Variants in PRSS23 observed in about 807,000 individuals in gnomAD.
The protein encoded by PRSS23 is protease, serine 23.
Under a neutral mutation model 34.7 loss-of-function variants are expected in PRSS23, and 25 were observed. That is an observed-to-expected ratio of 0.72 (90% CI 0.53 to 1.01). The LOEUF (loss-of-function observed/expected upper bound fraction) is 1.01, where lower values mean the gene tolerates loss of function less well. Among genes scored for constraint, PRSS23 ranks in the 50% least tolerant of loss-of-function variants. The pLI, the probability that PRSS23 is intolerant of heterozygous loss-of-function variation, is 0.00. For synonymous variants in PRSS23, 176 were observed against 186.6 expected, an observed-to-expected ratio of 0.94 and a Z score of 0.46; for missense variants, 445 against 475.6, an observed-to-expected ratio of 0.94 and a Z score of 0.60.
intron 2 of PRSS23, among the ~76,000 whole-genome samples, chr11:86,882,582 A>G (rs1948778682): frequency 1.3e-5 from 2 of 151,962 alleles, no homozygotes; most frequent in Admixed American, 6.6e-5. Context: ...TAAATGTACC[A>G]TATTTTATCT....
At chr11:86,839,563 C>A (rs1030813713) in intron 2 of PRSS23, among the ~76,000 whole-genome samples, 1 of 152,068 alleles carries the variant, frequency 6.6e-6, no homozygotes, top group Non-Finnish European at 1.5e-5. Flanking sequence ...CCTAACGTAG[C>A]AAGGCAGGCC....
chr11:86,948,566 G>A (rs182891556), intron 2 of PRSS23: 7 of 152,140 alleles, frequency 4.6e-5, no homozygotes, highest in Non-Finnish European at 7.4e-5. Flanking sequence ...TAATCCAAAT[G>A]GCCACTTCTG....
At chr11:86,923,702 CT>C (rs1243370934) in intron 2 of PRSS23, among the ~76,000 whole-genome samples, 1 of 152,172 alleles carries the variant, frequency 6.6e-6, no homozygotes, top group Non-Finnish European at 1.5e-5. Context: ...TTTGTACACA[CT>C]GTTATTTAGT....
chr11:86,838,158 G>T (rs1009013995), intron 2 of PRSS23, among the ~76,000 whole-genome samples: 2 of 151,136 alleles, frequency 1.3e-5, no homozygotes, highest in Non-Finnish European at 2.9e-5. Flanking sequence ...TATAAAATTT[G>T]ATCTGCATTG....
At chr11:86,834,790 A>G (rs955121238) in intron 2 of PRSS23, among the ~76,000 whole-genome samples, 3 of 152,096 alleles carry the variant, frequency 2.0e-5, no homozygotes, top group Non-Finnish European at 4.4e-5. Context: ...GTCTGTATAT[A>G]TATTTACCCT....
intron 2 of PRSS23, chr11:86,910,148 GT>G (rs1206910805): frequency 6.6e-6 from 1 of 152,182 alleles, no homozygotes. Context: ...AAATGAAACA[GT>G]AATTAATATT....
At chr11:86,921,603 C>G (rs1949047630) in intron 2 of PRSS23, 1 of 152,198 alleles carries the variant, frequency 6.6e-6, no homozygotes, top group African/African-American at 2.4e-5. Flanking sequence ...TGTTTCTCCT[C>G]CTCCATCATC....
At chr11:86,885,112 C>T (rs538982757) in intron 2 of PRSS23, among the ~76,000 whole-genome samples, 1 of 152,132 alleles carries the variant, frequency 6.6e-6, no homozygotes, top group South Asian at 2.1e-4. Flanking sequence ...AAAGTTTGGC[C>T]TAAAATAAGT....
Position 86,808,217 on chromosome 11 carries a change from G to A in PRSS23, c.574G>A (p.Val192Met). 6.2e-7 allele frequency: 1 copy of A among 1,614,158 alleles called. No homozygotes were observed. Among genetic ancestry groups the A allele is most frequent in the Non-Finnish European group, 8.5e-7 (1 of 1,180,042 alleles). The part of the protein sequence containing the change: ...TYVKGTQKLR[V>M]GFLKPKFKDG... ...TGTGAAAGGAACCCAGAAGCTTCGA[G>A]TGGGCTTCCTAAAGCCCAAGTTTAA... Residue 192 changes from valine to methionine, a missense_variant, in exon 2 of 2, where the codon GTG becomes ATG. By Grantham distance (21) the Val-to-Met change is conservative. Transcript: ENST00000280258.
At chr11:86,859,613 A>C (rs1240228924) in intron 2 of PRSS23, among the ~76,000 whole-genome samples, 1 of 151,988 alleles carries the variant, frequency 6.6e-6, no homozygotes, top group Non-Finnish European at 1.5e-5. Flanking sequence ...TCCCAGTATC[A>C]CAGTGGGTAT....
At chr11:86,895,269 T>A (rs1382834463) in intron 2 of PRSS23, among the ~76,000 whole-genome samples, 1 of 152,196 alleles carries the variant, frequency 6.6e-6, no homozygotes, top group Non-Finnish European at 1.5e-5. Flanking sequence ...CACTGACATA[T>A]GTGAACTTCT....
chr11:86,800,788 G>A (rs556627141), intron 1 of PRSS23, 137 bp downstream of exon 1: 45 of 350,746 alleles, frequency 1.3e-4, no homozygotes, highest in African/African-American at 6.4e-4. Context: ...CTTCGCCAGG[G>A]CAGTCCTCGG....
chr11:86,812,024 C>T (rs1948182233), downstream of PRSS23, among the ~76,000 whole-genome samples: 1 of 152,130 alleles, frequency 6.6e-6, no homozygotes, highest in Non-Finnish European at 1.5e-5. Context: ...TTGAAGTTGC[C>T]TCTGACCATT....
chr11:86,811,950 G>A (rs11608167), downstream of PRSS23, among the ~76,000 whole-genome samples: 12,032 of 152,166 alleles, frequency 0.079, 686 homozygotes, highest in Non-Finnish European at 0.12. Flanking sequence ...CTTTGCCTGG[G>A]TTCTGCTGCT....
chr11:86,853,421 T>A lies in PRSS23; in HGVS notation c.206+29828T>A, dbSNP rs569769735. ...GGCATGCGCCACCATGCCTGGCTAA[T>A]TTTTTGTATTTTTAGTAGAGACAGG... On this transcript the variant is annotated intron_variant, in intron 2 of 2. Transcript: ENST00000533902. 1.4e-3 allele frequency among the ~76,000 whole-genome samples: 206 copies of A among 150,140 alleles called. 1 individual carries two copies. The highest frequency in any genetic ancestry group is 2.6e-3 in the Non-Finnish European group (174 of 67,388).
chr11:86,898,503 G>T (rs1414875724), intron 2 of PRSS23, among the ~76,000 whole-genome samples: 1 of 152,202 alleles, frequency 6.6e-6, no homozygotes, highest in Non-Finnish European at 1.5e-5. Flanking sequence ...GTCTCTTTGA[G>T]AATTCCATTA....
chr11:86,896,960 C>T (rs10128675), intron 2 of PRSS23, among the ~76,000 whole-genome samples: 27,856 of 152,204 alleles, frequency 0.18, 3,109 homozygotes, highest in African/African-American at 0.32. Flanking sequence ...CATCATTTAC[C>T]CTATACAAGC....
intron 2 of PRSS23, among the ~76,000 whole-genome samples, chr11:86,902,389 G>C (rs1948917437): frequency 6.6e-6 from 1 of 152,084 alleles, no homozygotes; most frequent in Non-Finnish European, 1.5e-5. Flanking sequence ...TCTTTCTTAA[G>C]ACCTGTTATT....
chr11:86,835,866 A>C (rs148932513), intron 2 of PRSS23, among the ~76,000 whole-genome samples: 1 of 152,266 alleles, frequency 6.6e-6, no homozygotes, highest in African/African-American at 2.4e-5. Flanking sequence ...CTAAAAGTAA[A>C]TCATCCACGT....
Sources: allele counts gnomAD v4.1 joint callset (sites outside exome capture counted in the v4.1 genomes callset), GRCh38; gene constraint gnomAD v4.1.1; transcripts MANE v1.5; gene names NCBI Gene and HGNC (gene_info 2026-07-23, HGNC 2026-07-21).